ARNT2: variants seen among roughly 807,000 people sequenced by gnomAD.
ARNT2 encodes the protein aryl hydrocarbon receptor nuclear translocator 2.
Under a neutral mutation model 91.7 loss-of-function variants are expected in ARNT2, and 36 were observed. The observed-to-expected ratio is 0.39, with a 90% CI of 0.30 to 0.52. The LOEUF (loss-of-function observed/expected upper bound fraction) is 0.52, where lower values mean the gene tolerates loss of function less well. Ranked by LOEUF, ARNT2 falls within the 20% of genes least tolerant of loss-of-function variation. ARNT2 has a pLI of 0.72. For synonymous variants in ARNT2, 365 were observed against 347.1 expected (o/e 1.05, Z -0.57); for missense variants, 775 against 939.3 (o/e 0.83, Z 2.29).
At chr15:80,412,375 C>A (rs1320613465) in intron 1 of ARNT2, among the ~76,000 whole-genome samples, 1 of 152,164 alleles carries the variant, frequency 6.6e-6, no homozygotes, top group Non-Finnish European at 1.5e-5. Flanking sequence ...CACTTTTCCC[C>A]CACAATAAAG....
At chr15:80,460,662 C>G (rs573824701) in intron 3 of ARNT2, among the ~76,000 whole-genome samples, 2 of 152,114 alleles carry the variant, frequency 1.3e-5, no homozygotes, top group Admixed American at 1.3e-4. Flanking sequence ...CACGGGGACC[C>G]GGGGGACAGA....
At chr15:80,497,208 C>A (rs1190643274) in intron 5 of ARNT2, among the ~76,000 whole-genome samples, 2 of 152,214 alleles carry the variant, frequency 1.3e-5, no homozygotes, top group Non-Finnish European at 2.9e-5. Context: ...GTCAGTTGAT[C>A]ATCAAATACA....
intron 1 of ARNT2, among the ~76,000 whole-genome samples, chr15:80,435,929 G>A (rs1278845060): frequency 1.3e-5 from 2 of 152,124 alleles, no homozygotes; most frequent in Non-Finnish European, 1.5e-5. Flanking sequence ...TCCCAGCTAC[G>A]ATGCCATGCA....
At chr15:80,577,585 A>G (rs1898700447) in intron 15 of ARNT2, among the ~76,000 whole-genome samples, 2 of 152,312 alleles carry the variant, frequency 1.3e-5, no homozygotes, top group South Asian at 4.2e-4. Context: ...TGGGGAGGGT[A>G]TGTGGGCACT....
chr15:80,466,642 C>G (rs1735594891), intron 3 of ARNT2, among the ~76,000 whole-genome samples: 1 of 152,154 alleles, frequency 6.6e-6, no homozygotes, highest in Admixed American at 6.5e-5. Context: ...CTTCTGTGTT[C>G]CCAAGATGGC....
At chr15:80,524,392 G>A (rs1897600754) in intron 8 of ARNT2, among the ~76,000 whole-genome samples, 1 of 152,162 alleles carries the variant, frequency 6.6e-6, no homozygotes, top group African/African-American at 2.4e-5. Flanking sequence ...CAGAAATTAT[G>A]CTTTTAGGAA....
At chr15:80,442,398 A>C (rs1896206724) in intron 1 of ARNT2, among the ~76,000 whole-genome samples, 1 of 152,174 alleles carries the variant, frequency 6.6e-6, no homozygotes. Flanking sequence ...CTCAGTGTGA[A>C]ATTACTAGGC....
In ARNT2 at chr15:80,513,969, A is replaced by G. The variant is rs753150944; in HGVS notation, c.784A>G (p.Arg262Gly). 1 of 1,612,784 alleles carries G rather than the reference A, an allele frequency of 6.2e-7. No homozygotes were observed. The highest frequency in any genetic ancestry group is 8.5e-7 in the Non-Finnish European group (1 of 1,178,838). The change falls in exon 7 of 19, where the codon AGG (arginine) becomes GGG (glycine). Residue 262 changes from arginine to glycine, a missense_variant. Around this residue, in one of 5 missense-constraint regions of ARNT2, gnomAD observed 285 missense variants for 327.2 expected, o/e 0.87. Coordinates refer to ENST00000303329, the MANE Select transcript of ARNT2 (RefSeq NM_014862.4). ...PLNRITTMRKRFRNGLGPVKE... is the reference protein window; with the variant it reads ...PLNRITTMRKGFRNGLGPVKE... ...AAACAGAATAACCACCATGAGGAAA[A>G]GGTTCAGGTCAGTATCTCTTCCGAT...
chr15:80,430,113 G>T (rs773463218), intron 1 of ARNT2, among the ~76,000 whole-genome samples: 1 of 152,144 alleles, frequency 6.6e-6, no homozygotes, highest in Non-Finnish European at 1.5e-5. Context: ...GTCTTCTCCC[G>T]AGAATGAGCA....
At chr15:80,537,520 G>A (rs1897845006) in intron 8 of ARNT2, among the ~76,000 whole-genome samples, 1 of 152,176 alleles carries the variant, frequency 6.6e-6, no homozygotes, top group African/African-American at 2.4e-5. Context: ...TTCATGATAT[G>A]TTTTGATTAA....
chr15:80,432,355 C>T (rs1471550775), intron 1 of ARNT2, among the ~76,000 whole-genome samples: 1 of 152,174 alleles, frequency 6.6e-6, no homozygotes, highest in Non-Finnish European at 1.5e-5. Flanking sequence ...GCTGCATCTG[C>T]CCTGCCTCCT....
chr15:80,528,553 A>G (rs1018768833), intron 8 of ARNT2, among the ~76,000 whole-genome samples: 1 of 151,946 alleles, frequency 6.6e-6, no homozygotes, highest in Non-Finnish European at 1.5e-5. Flanking sequence ...TTGGACCCTC[A>G]ATGTTGGAAG....
chr15:80,558,485 C>A (rs967893647), intron 11 of ARNT2, among the ~76,000 whole-genome samples: 2 of 151,742 alleles, frequency 1.3e-5, no homozygotes, highest in Non-Finnish European at 2.9e-5. Context: ...GATTACAGGC[C>A]TGTGCTGTCA....
chr15:80,524,615 A>G (rs553581187), intron 8 of ARNT2, among the ~76,000 whole-genome samples: 53 of 152,238 alleles, frequency 3.5e-4, no homozygotes, highest in Non-Finnish European at 5.4e-4. Flanking sequence ...AGTGGCTCAC[A>G]CCTGTAATCC....
intron 8 of ARNT2, among the ~76,000 whole-genome samples, chr15:80,539,324 T>C (rs1897871335): frequency 6.6e-6 from 1 of 152,142 alleles, no homozygotes; most frequent in Admixed American, 6.5e-5. Context: ...CTTGGGTGGT[T>C]TATCATTAGG....
chr15:80,526,115 G>A (rs1006630344), intron 8 of ARNT2, among the ~76,000 whole-genome samples: 2 of 152,218 alleles, frequency 1.3e-5, no homozygotes, highest in East Asian at 3.8e-4. Flanking sequence ...AAATCTCACA[G>A]TGTATTCTCA....
intron 5 of ARNT2, among the ~76,000 whole-genome samples, chr15:80,501,594 G>C (rs1382490292): frequency 6.6e-6 from 1 of 152,192 alleles, no homozygotes; most frequent in African/African-American, 2.4e-5. Context: ...TTATTCCAGA[G>C]TGGTCTGAAT....
At chr15:80,496,287 G>A (rs948515986) in intron 5 of ARNT2, among the ~76,000 whole-genome samples, 9 of 152,126 alleles carry the variant, frequency 5.9e-5, no homozygotes, top group Non-Finnish European at 1.0e-4. Flanking sequence ...TTCACCACAT[G>A]CCCAGCACCC....
At position 80,518,277 on chromosome 15, in the gene ARNT2, C is replaced by CTTTTTTTTTTTTTTTTTTTTTT. The variant is rs56726705; in HGVS notation, c.877+3873_877+3894dup. Among the ~76,000 whole-genome samples the CTTTTTTTTTTTTTTTTTTTTTT allele has an allele frequency of 3.4e-5, 3 of 89,352 alleles. 1 individual carries two copies. The highest frequency in any genetic ancestry group is 9.2e-5 in the African/African-American group (2 of 21,810). 58.6% of individuals were successfully genotyped at this position (89,352 alleles called of 152,430 possible). A position where few individuals can be genotyped will look rare whatever the true frequency, so the allele number is the denominator to read the frequency against. The stretch of plus-strand genomic sequence containing the variant: ...CCGAAGAACTTTTTCTTTTTCTATT[C>CTTTTTTTTTTTTTTTTTTTTTT]TTTTTTTTTTTTTTTTTTTTTTGAG... On this transcript the variant is annotated intron_variant, in intron 8 of 18. Transcript: ENST00000303329.
Sources: gnomAD v4.1 joint callset for allele counts (sites outside exome capture counted in the v4.1 genomes callset) on GRCh38, gnomAD v4.1.1 for gene constraint, gnomAD v4.1.1 regional missense constraint, MANE v1.5 for transcripts, NCBI Gene and HGNC (gene_info 2026-07-23, HGNC 2026-07-21) for gene names.